Variants in MAGI2 observed in about 807,000 individuals in gnomAD.
The protein encoded by MAGI2 is membrane associated guanylate kinase, WW and PDZ domain containing 2, also known as membrane-associated guanylate kinase, WW and PDZ domain-containing protein 2.
A neutral mutation model predicts 133.3 loss-of-function variants in MAGI2; 35 were observed. The ratio of observed to expected loss-of-function variants is 0.26; its 90% CI spans 0.20 to 0.35. MAGI2 has a LOEUF of 0.35. Ranked by LOEUF, MAGI2 falls within the 10% of genes least tolerant of loss-of-function variation. MAGI2 has a pLI of 1.00. For missense variants in MAGI2, 1,636 were observed against 1,863.4 expected, an observed-to-expected ratio of 0.88 and a Z score of 2.25; for synonymous variants, 729 against 710.6, an observed-to-expected ratio of 1.03 and a Z score of -0.41.
intron 2 of MAGI2, among the ~76,000 whole-genome samples, chr7:78,786,915 A>C (rs193074190): frequency 6.6e-6 from 1 of 151,650 alleles, no homozygotes; most frequent in Non-Finnish European, 1.5e-5. Context: ...TCTGCCCCCA[A>C]TAAGTATTGG....
At chr7:78,241,338 A>G (rs1324176884) in intron 10 of MAGI2, among the ~76,000 whole-genome samples, 3 of 152,192 alleles carry the variant, frequency 2.0e-5, no homozygotes, top group African/African-American at 7.2e-5. Flanking sequence ...AGATTCCCAG[A>G]ATTCTGTCTC....
intron 1 of MAGI2, among the ~76,000 whole-genome samples, chr7:79,164,032 C>T (rs1035408321): frequency 6.6e-6 from 1 of 152,034 alleles, no homozygotes; most frequent in African/African-American, 2.4e-5. Flanking sequence ...CAAATTGCTG[C>T]TGTTTAAAAC....
Position 78,437,271 on chromosome 7 carries a change from C to T in MAGI2, c.1045+52490G>A, listed in dbSNP as rs577466930. On this transcript the variant is annotated intron_variant, in intron 6 of 21. Coordinates refer to ENST00000354212, the MANE Select transcript of MAGI2 (RefSeq NM_012301.4). ...ACCTCAAGAGACAGGGCAGCTCACA[C>T]GTGAGCAGGAGCTCCTTTCAATAGA... Among the ~76,000 whole-genome samples the T allele has an allele frequency of 8.5e-5, 13 of 152,256 alleles. No homozygotes were observed. The South Asian group carries it at 1.5e-3, about 17-fold the overall frequency.
chr7:78,532,161 G>A (rs1797523517), intron 3 of MAGI2, among the ~76,000 whole-genome samples: 1 of 152,072 alleles, frequency 6.6e-6, no homozygotes, highest in African/African-American at 2.4e-5. Context: ...TACAGAATTA[G>A]GACATACCTC....
At chr7:79,427,364 A>T (rs1351792029) in intron 1 of MAGI2, among the ~76,000 whole-genome samples, 1 of 152,154 alleles carries the variant, frequency 6.6e-6, no homozygotes, top group Non-Finnish European at 1.5e-5. Flanking sequence ...GTATCTCAGA[A>T]CTTAAAGTAA....
intron 9 of MAGI2, among the ~76,000 whole-genome samples, chr7:78,334,547 AC>A (rs1789555047): frequency 6.6e-6 from 1 of 152,150 alleles, no homozygotes; most frequent in South Asian, 2.1e-4. Context: ...CATAGTCTCC[AC>A]CCTAAAAGTT....
At chr7:78,785,131 A>G (rs761794353) in intron 2 of MAGI2, among the ~76,000 whole-genome samples, 10 of 152,228 alleles carry the variant, frequency 6.6e-5, no homozygotes, top group Non-Finnish European at 1.3e-4. Context: ...TTATCACCCT[A>G]GAGCTTTGTT....
At chr7:78,889,704 GC>G (rs1796579100) in intron 2 of MAGI2, among the ~76,000 whole-genome samples, 1 of 152,202 alleles carries the variant, frequency 6.6e-6, no homozygotes, top group Non-Finnish European at 1.5e-5. Flanking sequence ...CACCAGGCCT[GC>G]CCTAAAAGAC....
At chr7:79,123,517 T>G (rs7791407) in intron 1 of MAGI2, among the ~76,000 whole-genome samples, 109,355 of 151,982 alleles carry the variant, frequency 0.72, 41,187 homozygotes, top group Non-Finnish European at 0.85. Context: ...CAGGTGTGAT[T>G]CCTCATGCCT....
At chr7:78,389,845 A>G (rs1795739776) in intron 6 of MAGI2, among the ~76,000 whole-genome samples, 1 of 152,232 alleles carries the variant, frequency 6.6e-6, no homozygotes, top group African/African-American at 2.4e-5. Context: ...TGGATTAAAG[A>G]AAATGTTTTA....
intron 9 of MAGI2, among the ~76,000 whole-genome samples, chr7:78,321,067 G>C (rs1234362815): frequency 6.6e-6 from 1 of 152,170 alleles, no homozygotes; most frequent in Non-Finnish European, 1.5e-5. Context: ...TACAAGGGAT[G>C]TGAAGGACCT....
At chr7:78,571,982 A>G (rs1435814280) in intron 3 of MAGI2, among the ~76,000 whole-genome samples, 1 of 152,192 alleles carries the variant, frequency 6.6e-6, no homozygotes, top group Admixed American at 6.5e-5. Context: ...ACTTACCACT[A>G]TTTGTCTACT....
intron 1 of MAGI2, among the ~76,000 whole-genome samples, chr7:79,250,348 CAAAAAA>C (rs61147108): frequency 7.7e-6 from 1 of 130,530 alleles, no homozygotes; most frequent in Non-Finnish European, 1.6e-5. Flanking sequence ...ATGACTCTAC[CAAAAAA>C]AAAAAAAAAG....
At chr7:78,268,647 T>C (rs1181129113) in intron 9 of MAGI2, among the ~76,000 whole-genome samples, 1 of 152,188 alleles carries the variant, frequency 6.6e-6, no homozygotes, top group Non-Finnish European at 1.5e-5. Flanking sequence ...TTTGTTTATA[T>C]AAGCTTATAA....
At chr7:78,838,026 C>T (rs1256243415) in intron 2 of MAGI2, among the ~76,000 whole-genome samples, 1 of 152,132 alleles carries the variant, frequency 6.6e-6, no homozygotes, top group African/African-American at 2.4e-5. Context: ...GTCTCTTTGA[C>T]ATTGTAGATT....
intron 1 of MAGI2, among the ~76,000 whole-genome samples, chr7:79,022,193 C>A (rs1809398641): frequency 6.6e-6 from 1 of 151,974 alleles, no homozygotes; most frequent in South Asian, 2.1e-4. Context: ...GACCAAAATG[C>A]AGTAAAAATA....
In MAGI2 at chr7:78,127,244, A is replaced by C. The variant is rs2150515170; in HGVS notation, c.3376T>G (p.Ser1126Ala). ...AGAGGGTACTGCCTGGTGTCGGGGG[A>C]GTGCTGCCTGTAGTCCAGTAGGGGA... The part of the protein sequence containing the change: ...QPPLLDYRQH[S>A]PDTRQYPLSD... Residue 1126 changes from serine to alanine, a missense_variant, in exon 19 of 22, where the codon TCC (serine) becomes GCC (alanine). Physicochemically the swap from Ser to Ala is moderately conservative, Grantham distance 99 (BLOSUM62 1). Transcript: ENST00000354212. 6.2e-7 allele frequency: 1 copy of C among 1,605,504 alleles called. No individual in the cohort carries two copies. Among genetic ancestry groups the C allele is most frequent in the East Asian group, 2.2e-5 (1 of 44,694 alleles).
At chr7:78,667,514 A>T (rs1353219166) in intron 2 of MAGI2, among the ~76,000 whole-genome samples, 1 of 151,494 alleles carries the variant, frequency 6.6e-6, no homozygotes, top group Non-Finnish European at 1.5e-5. Flanking sequence ...AGCATTAGGT[A>T]TATCTCCTAA....
chr7:78,463,414 C>T (rs965901266), intron 6 of MAGI2, among the ~76,000 whole-genome samples: 1 of 152,146 alleles, frequency 6.6e-6, no homozygotes, highest in East Asian at 1.9e-4. Context: ...AAGAACCAAC[C>T]CAGAAAGAGA....
Sources: gnomAD v4.1 joint callset for allele counts (sites outside exome capture counted in the v4.1 genomes callset) on GRCh38, gnomAD v4.1.1 for gene constraint, MANE v1.5 for transcripts, NCBI Gene and HGNC (gene_info 2026-07-23, HGNC 2026-07-21) for gene names.